IL1RAPL1: variants seen among roughly 807,000 people sequenced by gnomAD.
IL1RAPL1 encodes the protein interleukin 1 receptor accessory protein like 1, also known as interleukin-1 receptor accessory protein-like 1.
A neutral mutation model predicts 48.4 loss-of-function variants in IL1RAPL1; 3 were observed. The ratio of observed to expected loss-of-function variants is 0.06; its 90% CI spans 0.03 to 0.16. IL1RAPL1 has a LOEUF of 0.16. Ranked by LOEUF, IL1RAPL1 falls within the 10% of genes least tolerant of loss-of-function variation. The pLI, the probability that IL1RAPL1 is intolerant of heterozygous loss-of-function variation, is 1.00. For synonymous variants in IL1RAPL1, 185 were observed against 187.7 expected (o/e 0.99, Z 0.12); for missense variants, 349 against 530.6 (o/e 0.66, Z 3.36).
intron 2 of IL1RAPL1, among the ~76,000 whole-genome samples, chrX:28,927,105 A>G (rs922296852): frequency 9.0e-6 from 1 of 111,426 alleles, no homozygotes; most frequent in Admixed American, 9.6e-5. Context: ...TGTGTTGCCC[A>G]GGCTGGTCTC....
chrX:28,703,119 C>T (rs1303355681), intron 1 of IL1RAPL1, among the ~76,000 whole-genome samples: 3 of 111,390 alleles, frequency 2.7e-5, no homozygotes, highest in Non-Finnish European at 1.9e-5. Context: ...GGTTAGCTTT[C>T]AGGAAGTTAA....
intron 5 of IL1RAPL1, among the ~76,000 whole-genome samples, chrX:29,485,926 T>C (rs1355375785): frequency 9.0e-6 from 1 of 111,117 alleles, no homozygotes; most frequent in Non-Finnish European, 1.9e-5. Context: ...AAGATCCCCA[T>C]GGAATCTGTA....
At chrX:29,650,156 A>G (rs1332757284) in intron 5 of IL1RAPL1, among the ~76,000 whole-genome samples, 1 of 111,784 alleles carries the variant, frequency 8.9e-6, no homozygotes, top group Non-Finnish European at 1.9e-5. Context: ...GAATATTTGT[A>G]TTCACAAACT....
At chrX:29,171,557 A>T (rs1348419611) in intron 2 of IL1RAPL1, among the ~76,000 whole-genome samples, 1 of 111,949 alleles carries the variant, frequency 8.9e-6, no homozygotes, top group African/African-American at 3.2e-5. Context: ...GAGTATGATT[A>T]AATGTAAAAA....
chrX:28,696,312 C>A (rs956274144), intron 1 of IL1RAPL1, among the ~76,000 whole-genome samples: 4 of 110,512 alleles, frequency 3.6e-5, no homozygotes, highest in Non-Finnish European at 7.6e-5. Flanking sequence ...GCCACACACA[C>A]AAATACAGGG....
At chrX:29,656,800 T>G (rs1602349032) in intron 5 of IL1RAPL1, among the ~76,000 whole-genome samples, 1 of 111,572 alleles carries the variant, frequency 9.0e-6, no homozygotes, top group East Asian at 2.8e-4. Context: ...CTATTCTACA[T>G]TAGGTGGTTT....
chrX:29,597,678 G>A (rs1923596378), intron 5 of IL1RAPL1, among the ~76,000 whole-genome samples: 1 of 111,771 alleles, frequency 8.9e-6, no homozygotes, highest in Admixed American at 9.4e-5. Flanking sequence ...GACTTTCATT[G>A]TTTGCAGTTC....
chrX:29,008,393 G>T (rs1441705031), intron 2 of IL1RAPL1, among the ~76,000 whole-genome samples: 1 of 111,371 alleles, frequency 9.0e-6, no homozygotes, highest in Non-Finnish European at 1.9e-5. Flanking sequence ...AGCCAAGATG[G>T]TCTCGATCTC....
At chrX:29,450,520 C>T (rs1934667084) in intron 5 of IL1RAPL1, among the ~76,000 whole-genome samples, 1 of 111,585 alleles carries the variant, frequency 9.0e-6, no homozygotes, top group Non-Finnish European at 1.9e-5. Flanking sequence ...CCAGATTTTG[C>T]CCCCAAGCCA....
chrX:29,060,778 A>G (rs1927323772), intron 2 of IL1RAPL1, among the ~76,000 whole-genome samples: 2 of 112,083 alleles, frequency 1.8e-5, no homozygotes, highest in Non-Finnish European at 3.8e-5. Context: ...AAAGTTCTAT[A>G]GAAATGTTAC....
chrX:29,331,775 T>A (rs1385942968), intron 3 of IL1RAPL1, among the ~76,000 whole-genome samples: 1 of 112,009 alleles, frequency 8.9e-6, no homozygotes, highest in Middle Eastern at 4.6e-3. Context: ...ATGATTTGTC[T>A]TAGTGGTTCA....
chrX:29,682,582 A>G (rs1926489111), intron 6 of IL1RAPL1, among the ~76,000 whole-genome samples: 1 of 111,600 alleles, frequency 9.0e-6, no homozygotes, highest in Admixed American at 9.5e-5. Context: ...ATTTTTGTAC[A>G]TATTTTTGTG....
At chrX:29,645,737 C>A (rs1009943689) in intron 5 of IL1RAPL1, among the ~76,000 whole-genome samples, 2 of 111,627 alleles carry the variant, frequency 1.8e-5, no homozygotes, top group African/African-American at 6.5e-5. Context: ...GCCTCAGTGG[C>A]CACGGGCTTT....
intron 5 of IL1RAPL1, among the ~76,000 whole-genome samples, chrX:29,543,373 A>C (rs1392047640): frequency 9.0e-6 from 1 of 110,544 alleles, no homozygotes; most frequent in Non-Finnish European, 1.9e-5. Flanking sequence ...TAATGAAAGA[A>C]GGTATCCCAT....
chrX:29,135,371 G>A (rs1037698408), intron 2 of IL1RAPL1, among the ~76,000 whole-genome samples: 1 of 111,906 alleles, frequency 8.9e-6, no homozygotes, highest in Non-Finnish European at 1.9e-5. Flanking sequence ...TTATTTTGAT[G>A]TGACTACTAT....
chrX:29,644,280 A>C (rs1249043187), intron 5 of IL1RAPL1, among the ~76,000 whole-genome samples: 1 of 111,901 alleles, frequency 8.9e-6, no homozygotes, highest in Non-Finnish European at 1.9e-5. Flanking sequence ...TCTTTTTGCT[A>C]CCATCTTACT....
At chrX:29,020,069 A>C (rs1276346737) in intron 2 of IL1RAPL1, among the ~76,000 whole-genome samples, 2 of 112,754 alleles carry the variant, frequency 1.8e-5, no homozygotes, top group African/African-American at 6.4e-5. Flanking sequence ...AGCTCACATA[A>C]AGAACGAACG....
At chrX:28,690,037 T>C (rs186602234) in intron 1 of IL1RAPL1, among the ~76,000 whole-genome samples, 1 of 111,804 alleles carries the variant, frequency 8.9e-6, no homozygotes, top group East Asian at 2.8e-4. Context: ...AGAACTGCAT[T>C]TCATAGGCCT....
At chrX:29,536,425 A>G (rs1921234764) in intron 5 of IL1RAPL1, among the ~76,000 whole-genome samples, 1 of 111,621 alleles carries the variant, frequency 9.0e-6, no homozygotes, top group Non-Finnish European at 1.9e-5. Flanking sequence ...GAGGCAAAAG[A>G]TTAAGAAATA....
Sources: allele counts gnomAD v4.1 joint callset (sites outside exome capture counted in the v4.1 genomes callset), GRCh38; gene constraint gnomAD v4.1.1; transcripts MANE v1.5; gene names NCBI Gene and HGNC (gene_info 2026-07-23, HGNC 2026-07-21).